The following TSC1 variants were observed in gnomAD, a reference collection of about 807,000 sequenced individuals.
TSC1 encodes TSC complex subunit 1.
A neutral mutation model predicts 124.3 loss-of-function variants in TSC1; 20 were observed. That is an observed-to-expected ratio of 0.16 (90% CI 0.11 to 0.23). The LOEUF (loss-of-function observed/expected upper bound fraction) is 0.23. Among genes scored for constraint, TSC1 ranks in the 10% least tolerant of loss-of-function variants. TSC1 has a pLI of 1.00. For synonymous variants in TSC1, 493 were observed against 539.1 expected, an observed-to-expected ratio of 0.91 and a Z score of 1.19; for missense variants, 1,124 against 1,448.5, an observed-to-expected ratio of 0.78 and a Z score of 3.64.
intron 5 of TSC1, among the ~76,000 whole-genome samples, chr9:132,924,528 A>G (rs1846745528): frequency 6.6e-6 from 1 of 152,142 alleles, no homozygotes; most frequent in Non-Finnish European, 1.5e-5. Context: ...GATTAACAAA[A>G]CGTACTCTTT....
chr9:132,943,612 T>G (rs1320080777), intron 1 of TSC1: 1 of 152,240 alleles, frequency 6.6e-6, no homozygotes, highest in East Asian at 1.9e-4. Flanking sequence ...CTCAGTTTCT[T>G]CATTTGAGAA....
At chr9:132,925,073 A>C (rs1846778377) in intron 5 of TSC1, 1 of 162,760 alleles carries the variant, frequency 6.1e-6, no homozygotes, top group Non-Finnish European at 1.3e-5. Context: ...AAAACCATAA[A>C]GTTCTATTTA....
intron 1 of TSC1, chr9:132,940,690 A>T (rs1421618562): frequency 6.6e-6 from 1 of 152,244 alleles, no homozygotes; most frequent in Non-Finnish European, 1.5e-5. Context: ...TAAGAAGTTA[A>T]TGGGGTATCA....
At position 132,892,023 on chromosome 9, in the gene TSC1, G is replaced by A. The variant is rs550488189; in HGVS notation, c.*4212C>T. 6.0e-5 allele frequency: 14 copies of A among 233,152 alleles called. No homozygotes were observed. In the South Asian group the frequency reaches 1.4e-3, roughly 24 times the overall value. The allele number at this position is 233,152 out of a possible 1,614,324, so 14.4% of individuals were successfully genotyped here. A position where few individuals can be genotyped will look rare whatever the true frequency, so the allele number is the denominator to read the frequency against. Reference sequence around the variant, plus strand: ...GAAGCTCCTCTGCCATCATTAACTCGTTTCATGACCAGAAGCCATGGGCAC... The same window carrying A: ...GAAGCTCCTCTGCCATCATTAACTCATTTCATGACCAGAAGCCATGGGCAC... On this transcript the variant is annotated 3_prime_UTR_variant, in exon 23 of 23. Transcript: ENST00000298552.
rs759379027 is a variant in TSC1, at chr9:132,906,016, G to A, written c.1562C>T (p.Ser521Leu). The A allele has an allele frequency of 2.9e-5, 47 of 1,613,988 alleles. No individual in the cohort carries two copies. The highest frequency in any genetic ancestry group is 3.6e-5 in the Non-Finnish European group (43 of 1,180,022). The change falls in exon 15 of 23, where the codon TCG becomes TTG. Residue 521 changes from serine to leucine, a missense_variant. Physicochemically the swap from Ser to Leu is moderately radical, Grantham distance 145 (BLOSUM62 -2). Transcript: ENST00000298552. The surrounding 1 kb of genome is among the most constrained non-coding windows in gnomAD (Gnocchi z 4.1). ...GGCGCCCTGAGAACTGGAGGCTGCC[G>A]AGTGGGTCTTCCGCTGAGAACCTGG... ...SLPGSQRKTH[S>L]AASSSQGASV...
At chr9:132,908,668 G>C (rs975826085) in intron 12 of TSC1, among the ~76,000 whole-genome samples, 1 of 150,404 alleles carries the variant, frequency 6.6e-6, no homozygotes, top group African/African-American at 2.5e-5. Context: ...GGCTGGTCTT[G>C]AACGCCTGGG....
chr9:132,907,294 A>C lies in TSC1; in HGVS notation c.1333+7T>G, dbSNP rs1588313945. 1.9e-6 allele frequency: 3 copies of C among 1,613,610 alleles called. No homozygotes were observed. The highest frequency in any genetic ancestry group is 3.3e-5 in the Admixed American group (2 of 59,998). On this transcript the variant is annotated splice_region_variant and intron_variant, in intron 13 of 22. Coordinates refer to ENST00000298552, the MANE Select transcript of TSC1 (RefSeq NM_000368.5). ...AAGCAAGGCCTGTAGTAACGCAGAA[A>C]TTTTACCTGATCCTCTGTCATTCAG... is the stretch of plus-strand genomic sequence containing the variant.
At chr9:132,932,365 C>A (rs1403961732) in intron 2 of TSC1, among the ~76,000 whole-genome samples, 2 of 152,230 alleles carry the variant, frequency 1.3e-5, no homozygotes, top group African/African-American at 4.8e-5. Context: ...TCTAATCCAT[C>A]AGCAAACCCT....
intron 20 of TSC1, among the ~76,000 whole-genome samples, chr9:132,898,309 A>G (rs1339064789): frequency 1.3e-5 from 2 of 152,278 alleles, no homozygotes; most frequent in Non-Finnish European, 2.9e-5. Context: ...CAGAGCAAGT[A>G]CACACTAATG....
chr9:132,924,513 T>C (rs534164525), intron 5 of TSC1, among the ~76,000 whole-genome samples: 1 of 152,308 alleles, frequency 6.6e-6, no homozygotes, highest in African/African-American at 2.4e-5. Flanking sequence ...TGAAGACTTA[T>C]CCATGATTAA....
chr9:132,928,644 C>A (rs554292819), intron 3 of TSC1, 123 bp downstream of exon 3: 1 of 1,212,102 alleles, frequency 8.3e-7, no homozygotes, highest in South Asian at 1.3e-5. Flanking sequence ...TAGATACTCT[C>A]TTTGGGTGTT....
chr9:132,905,988 G>A lies in TSC1; in HGVS notation c.1590C>T (p.Ser530=), dbSNP rs762424091. 6.2e-6 allele frequency: 10 copies of A among 1,614,102 alleles called. No individual in the cohort carries two copies. The East Asian group carries it at 8.9e-5, about 14-fold the overall frequency. Residue 530 remains serine, a synonymous_variant, in exon 15 of 23, where the codon AGC becomes AGT. Transcript: ENST00000298552. Reference sequence around the variant, plus strand: ...AGGAGTGTAAAGGCTCAGGGTTCACGCTGGCGCCCTGAGAACTGGAGGCTG... The same window carrying A: ...AGGAGTGTAAAGGCTCAGGGTTCACACTGGCGCCCTGAGAACTGGAGGCTG... The part of the protein sequence containing the change: ...HSAASSSQGA[S]VNPEPLHSSL...
Position 132,906,655 on chromosome 9 carries a change from A to G in TSC1, c.1438+76T>C. 1 of 1,281,398 alleles carries G rather than the reference A, an allele frequency of 7.8e-7. No individual in the cohort carries two copies. The highest frequency in any genetic ancestry group is 1.1e-6 in the Non-Finnish European group (1 of 898,900). The allele number at this position is 1,281,398 out of a possible 1,614,324, so 79.4% of individuals were successfully genotyped here. A position where few individuals can be genotyped will look rare whatever the true frequency, so the allele number is the denominator to read the frequency against. On this transcript the variant is annotated intron_variant, in intron 14 of 22. Transcript: ENST00000298552. The surrounding 1 kb of genome is among the most constrained non-coding windows in gnomAD (Gnocchi z 4.1). ...AGAAAAATCCAGCAAGCCTGTGAGCAATGGCACAAAATCCCAGATTTATAG... is the reference window on the plus strand; with the variant it reads ...AGAAAAATCCAGCAAGCCTGTGAGCGATGGCACAAAATCCCAGATTTATAG...
At chr9:132,897,810 C>T (rs1353407434) in intron 20 of TSC1, among the ~76,000 whole-genome samples, 200 bp from the exon 21 acceptor site, 3 of 152,052 alleles carry the variant, frequency 2.0e-5, no homozygotes, top group Non-Finnish European at 4.4e-5. Context: ...TATCCCCAAG[C>T]AAATCATGTG....
chr9:132,923,575 A>G lies in TSC1; in HGVS notation c.364-83T>C, dbSNP rs1846689768. 7.6e-6 allele frequency: 12 copies of G among 1,583,458 alleles called. No individual in the cohort carries two copies. Among genetic ancestry groups the G allele is most frequent in the Non-Finnish European group, 9.5e-6 (11 of 1,154,698 alleles). ...ATTGTACAGTACATGAAGAGGCTCT[A>G]AACACTGAGAGAATCACAAATCACA... On this transcript the variant is annotated intron_variant, in intron 5 of 22. Coordinates refer to ENST00000298552, the MANE Select transcript of TSC1 (RefSeq NM_000368.5). The surrounding 1 kb of genome is among the most constrained non-coding windows in gnomAD (Gnocchi z 4.2).
At chr9:132,938,383 T>G (rs1432440476) in intron 1 of TSC1, among the ~76,000 whole-genome samples, 1 of 152,196 alleles carries the variant, frequency 6.6e-6, no homozygotes, top group Non-Finnish European at 1.5e-5. Flanking sequence ...AGATCTAGAC[T>G]TTTTTCCCTT....
chr9:132,928,265 T>C (rs549677454), intron 3 of TSC1, among the ~76,000 whole-genome samples: 2 of 152,272 alleles, frequency 1.3e-5, no homozygotes. Flanking sequence ...TTCTTATAAA[T>C]GGCCCAAATG....
At chr9:132,901,924 CCCAAACTGTGCA>C (rs1230045993) in intron 18 of TSC1, 1 of 531,782 alleles carries the variant, frequency 1.9e-6, no homozygotes, top group East Asian at 3.1e-5. Context: ...ATCCTCAGTT[CCCAAACTGTGCA>C]CCAAAGAGCC....
At chr9:132,919,554 C>T (rs1483532754) in intron 8 of TSC1, among the ~76,000 whole-genome samples, 1 of 152,138 alleles carries the variant, frequency 6.6e-6, no homozygotes, top group Non-Finnish European at 1.5e-5. Flanking sequence ...TACTGAATGC[C>T]TTCAAATTAC....
Sources: gnomAD v4.1 joint callset for allele counts (sites outside exome capture counted in the v4.1 genomes callset) on GRCh38, gnomAD v4.1.1 for gene constraint, Gnocchi (gnomAD v3.1) non-coding constraint, MANE v1.5 for transcripts, NCBI Gene and HGNC (gene_info 2026-07-23, HGNC 2026-07-21) for gene names.